The following TBC1D5 variants were observed in gnomAD, a reference collection of about 807,000 sequenced individuals.
TBC1D5 encodes TBC1 domain family member 5, also known as TBC1 domain family, member 5.
A neutral mutation model predicts 100.3 loss-of-function variants in TBC1D5; 75 were observed. The observed-to-expected ratio is 0.75, with a 90% CI of 0.62 to 0.91. The LOEUF (loss-of-function observed/expected upper bound fraction) is 0.91. Among genes scored for constraint, TBC1D5 ranks in the 40% least tolerant of loss-of-function variants. The pLI, the probability that TBC1D5 is intolerant of heterozygous loss-of-function variation, is 0.00. For synonymous variants in TBC1D5, 323 were observed against 325.6 expected (o/e 0.99, Z 0.09); for missense variants, 910 against 942.4 (o/e 0.97, Z 0.45).
chr3:17,572,751 C>A (rs373084153), intron 2 of TBC1D5, among the ~76,000 whole-genome samples: 2 of 152,064 alleles, frequency 1.3e-5, no homozygotes, highest in Non-Finnish European at 1.5e-5. Context: ...ATCACACTGT[C>A]GTGTTGTTGT....
chr3:17,158,479 A>T (rs1452461918), exon 22 of TBC1D5: 3 of 152,204 alleles, frequency 2.0e-5, no homozygotes, highest in Admixed American at 6.5e-5. Flanking sequence ...TGAAGAATTT[A>T]AAAAAACACT....
chr3:17,429,172 C>T (rs953945839), intron 3 of TBC1D5, among the ~76,000 whole-genome samples: 7 of 151,762 alleles, frequency 4.6e-5, no homozygotes, highest in Non-Finnish European at 8.8e-5. Context: ...AAAATTTTTA[C>T]TCAAAAATCT....
intron 13 of TBC1D5, among the ~76,000 whole-genome samples, chr3:17,324,505 G>A (rs979644898): frequency 5.3e-5 from 8 of 152,182 alleles, no homozygotes; most frequent in Middle Eastern, 6.8e-3. Context: ...TTAGCCGGGT[G>A]TAGTGGTGGG....
chr3:17,569,457 A>G (rs2096613183), intron 2 of TBC1D5, among the ~76,000 whole-genome samples: 1 of 151,892 alleles, frequency 6.6e-6, no homozygotes, highest in African/African-American at 2.4e-5. Flanking sequence ...TTTAAAACCA[A>G]TTTATATAAA....
At chr3:17,616,641 A>C (rs1267982699) in intron 2 of TBC1D5, among the ~76,000 whole-genome samples, 1 of 152,100 alleles carries the variant, frequency 6.6e-6, no homozygotes, top group East Asian at 1.9e-4. Context: ...ACCATTATGT[A>C]ATGGCCTTCT....
intron 17 of TBC1D5, 79 bp from the exon 18 acceptor site, chr3:17,233,829 C>A: frequency 1.3e-6 from 1 of 794,718 alleles, no homozygotes; most frequent in Non-Finnish European, 2.0e-6. Flanking sequence ...ACTGAATGTT[C>A]TAATACTTTA....
At chr3:17,239,697 G>A (rs1172938961) in intron 16 of TBC1D5, among the ~76,000 whole-genome samples, 2 of 151,888 alleles carry the variant, frequency 1.3e-5, no homozygotes, top group Non-Finnish European at 2.9e-5. Flanking sequence ...CTCATATTTT[G>A]TCTCTTGGCC....
chr3:17,411,431 T>C (rs1243177754), intron 4 of TBC1D5, among the ~76,000 whole-genome samples: 3 of 152,194 alleles, frequency 2.0e-5, no homozygotes, highest in African/African-American at 4.8e-5. Flanking sequence ...TCAAAAACCA[T>C]ACATATATTT....
At chr3:17,161,615 GACCCTGCCATGCAAATC>G (rs1415987290) in intron 21 of TBC1D5, among the ~76,000 whole-genome samples, 15 of 152,256 alleles carry the variant, frequency 9.9e-5, no homozygotes, top group African/African-American at 3.1e-4. Flanking sequence ...CGTCATGTGG[GACCCTGCCATGCAAATC>G]ACCCATCCTC....
chr3:17,712,368 T>C (rs1448976012), intron 1 of TBC1D5, among the ~76,000 whole-genome samples: 2 of 152,182 alleles, frequency 1.3e-5, no homozygotes, highest in African/African-American at 2.4e-5. Context: ...ATTAAGGCTA[T>C]TGCATCTCTC....
intron 16 of TBC1D5, among the ~76,000 whole-genome samples, chr3:17,246,063 A>G (rs879627448): frequency 3.3e-5 from 5 of 152,200 alleles, no homozygotes; most frequent in Admixed American, 1.3e-4. Context: ...TTGAAAAAAA[A>G]TACAGCTGCA....
intron 3 of TBC1D5, among the ~76,000 whole-genome samples, chr3:17,505,764 C>G (rs1219466743): frequency 6.6e-6 from 1 of 151,986 alleles, no homozygotes; most frequent in Admixed American, 6.6e-5. Context: ...TTGTTTTTAA[C>G]TAAATTACTA....
intron 17 of TBC1D5, among the ~76,000 whole-genome samples, chr3:17,233,306 A>G (rs1436100563): frequency 1.3e-5 from 2 of 152,196 alleles, no homozygotes. Context: ...AGCACATAAG[A>G]TGTCTATTTT....
rs552747861 is a variant in TBC1D5, at chr3:17,666,649, G to C, written c.-100-42736C>G. Among the ~76,000 whole-genome samples, 5 of 152,186 alleles carry C rather than the reference G, an allele frequency of 3.3e-5. No individual in the cohort carries two copies. The South Asian group carries it at 1.0e-3, about 32-fold the overall frequency. ...AAGTAGGACACCGAGTACATGTTTAGATTTGGAAGAATTGTTGCTCCATAA... is the reference window on the plus strand; with the variant it reads ...AAGTAGGACACCGAGTACATGTTTACATTTGGAAGAATTGTTGCTCCATAA... On this transcript the variant is annotated intron_variant, in intron 1 of 21. Coordinates refer to ENST00000253692, the Ensembl canonical transcript of TBC1D5.
At chr3:17,530,354 G>T (rs2096204958) in intron 2 of TBC1D5, among the ~76,000 whole-genome samples, 1 of 152,068 alleles carries the variant, frequency 6.6e-6, no homozygotes. Context: ...GGGGTTGGGG[G>T]GTGGTTACAA....
chr3:17,298,494 T>A (rs115310568), intron 14 of TBC1D5, among the ~76,000 whole-genome samples: 1 of 152,120 alleles, frequency 6.6e-6, no homozygotes, highest in East Asian at 1.9e-4. Context: ...CAGTGAGGTG[T>A]CGGCCAACAA....
intron 18 of TBC1D5, among the ~76,000 whole-genome samples, chr3:17,195,498 G>T (rs557118744): frequency 6.6e-6 from 1 of 152,204 alleles, no homozygotes; most frequent in Non-Finnish European, 1.5e-5. Flanking sequence ...CTGCACAATG[G>T]CTGGCCCAGA....
intron 18 of TBC1D5, among the ~76,000 whole-genome samples, chr3:17,212,219 G>C (rs2073065211): frequency 6.6e-6 from 1 of 152,154 alleles, no homozygotes; most frequent in Non-Finnish European, 1.5e-5. Context: ...GCCACATAAT[G>C]ATGTTTTGAT....
At chr3:17,529,772 G>C (rs1056120362) in intron 2 of TBC1D5, among the ~76,000 whole-genome samples, 3 of 151,776 alleles carry the variant, frequency 2.0e-5, no homozygotes, top group African/African-American at 4.8e-5. Context: ...TCAGCCTCTC[G>C]AGTAGCTGGG....
Sources: allele counts gnomAD v4.1 joint callset (sites outside exome capture counted in the v4.1 genomes callset), GRCh38; gene constraint gnomAD v4.1.1; transcripts MANE v1.5; gene names NCBI Gene and HGNC (gene_info 2026-07-23, HGNC 2026-07-21).